The following MARCHF1 variants were observed in gnomAD, a reference collection of about 807,000 sequenced individuals.
MARCHF1 encodes the protein E3 ubiquitin-protein ligase MARCHF1.
MARCHF1 carries 40 observed loss-of-function variants against 54.2 expected under a neutral mutation model. The observed-to-expected ratio is 0.74, with a 90% CI of 0.57 to 0.96. MARCHF1 has a LOEUF of 0.96. MARCHF1 is among the 40% of genes least tolerant of loss of function. The probability of loss-of-function intolerance (pLI) is 0.00; values close to 1 mark genes in which losing one functional copy is unlikely to be tolerated. For synonymous variants in MARCHF1, 236 were observed against 236.3 expected (o/e 1.00, Z 0.01); for missense variants, 586 against 656.5 (o/e 0.89, Z 1.17).
intron 1 of MARCHF1, among the ~76,000 whole-genome samples, chr4:164,194,976 C>T: frequency 6.6e-6 from 1 of 151,806 alleles, no homozygotes. Flanking sequence ...ACCCCCACCC[C>T]CTGACAGGCC....
chr4:163,695,802 T>G (rs1420314354), intron 5 of MARCHF1, among the ~76,000 whole-genome samples: 1 of 152,152 alleles, frequency 6.6e-6, no homozygotes, highest in Non-Finnish European at 1.5e-5. Flanking sequence ...CTGTTGCTAG[T>G]TAAATGTAAT....
intron 3 of MARCHF1, among the ~76,000 whole-genome samples, chr4:163,984,238 GA>G (rs1312023173): frequency 1.3e-5 from 2 of 151,860 alleles, no homozygotes; most frequent in African/African-American, 2.4e-5. Flanking sequence ...ATTCTTTTTG[GA>G]AAAAAATGTA....
chr4:163,758,621 A>T (rs17044126), intron 4 of MARCHF1, among the ~76,000 whole-genome samples: 7,279 of 152,288 alleles, frequency 0.048, 432 homozygotes, highest in African/African-American at 0.14. Context: ...AATTGCAATT[A>T]CAATTCAGTC....
chr4:164,225,807 T>C (rs534235379), intron 1 of MARCHF1, among the ~76,000 whole-genome samples: 2 of 152,194 alleles, frequency 1.3e-5, no homozygotes, highest in South Asian at 4.1e-4. Flanking sequence ...CATCAAATTA[T>C]TCACTAAGTT....
At chr4:163,542,944 A>G (rs1738766984) in intron 9 of MARCHF1, among the ~76,000 whole-genome samples, 2 of 151,920 alleles carry the variant, frequency 1.3e-5, no homozygotes, top group Admixed American at 1.3e-4. Flanking sequence ...TGAGTGTTTG[A>G]GTGTGTGTGG....
intron 2 of MARCHF1, among the ~76,000 whole-genome samples, chr4:164,030,947 TG>T (rs762283758): frequency 2.6e-5 from 4 of 152,142 alleles, no homozygotes; most frequent in Non-Finnish European, 5.9e-5. Context: ...CTGAGACTGC[TG>T]AAGTTTCAGC....
intron 2 of MARCHF1, among the ~76,000 whole-genome samples, chr4:164,010,649 C>T (rs1244457813): frequency 6.6e-6 from 1 of 152,018 alleles, no homozygotes; most frequent in South Asian, 2.1e-4. Flanking sequence ...ATTTCATGCT[C>T]ATGATTTAGA....
At chr4:163,839,764 A>G (rs1301604450) in intron 4 of MARCHF1, among the ~76,000 whole-genome samples, 1 of 152,100 alleles carries the variant, frequency 6.6e-6, no homozygotes, top group African/African-American at 2.4e-5. Context: ...TTCTTTTGGG[A>G]TGCTGAAAAT....
intron 1 of MARCHF1, among the ~76,000 whole-genome samples, chr4:164,181,235 CTAAT>C (rs1329464843): frequency 6.6e-6 from 1 of 152,152 alleles, no homozygotes; most frequent in Non-Finnish European, 1.5e-5. Flanking sequence ...CCTCCTTTGA[CTAAT>C]TAACTCCCAC....
chr4:163,758,337 T>C (rs1746736643), intron 4 of MARCHF1, among the ~76,000 whole-genome samples: 1 of 152,164 alleles, frequency 6.6e-6, no homozygotes. Context: ...TCTTAGGTGC[T>C]TCAGGGGAAG....
chr4:163,994,733 GCACACATACACACACACA>G lies in MARCHF1; in HGVS notation c.-247-6042_-247-6025del, dbSNP rs1391207847. Among the ~76,000 whole-genome samples the G allele has an allele frequency of 2.5e-3, 238 of 94,404 alleles. 2 individuals carry two copies. The highest frequency in any genetic ancestry group is 9.4e-3 in the African/African-American group (233 of 24,864). 61.9% of individuals were successfully genotyped at this position (94,404 alleles called of 152,430 possible). ...TCCTGGACCTAACAGTCCTAATCAA[GCACACATACACACACACA>G]CACACACACACACACACACACACAC... On this transcript the variant is annotated intron_variant, in intron 2 of 9. Coordinates refer to ENST00000514618, the MANE Select transcript of MARCHF1 (RefSeq NM_001394959.1).
chr4:163,783,214 T>C (rs1388292561), intron 4 of MARCHF1, among the ~76,000 whole-genome samples: 2 of 152,244 alleles, frequency 1.3e-5, no homozygotes, highest in East Asian at 3.8e-4. Context: ...CTTTCACAGA[T>C]GATAAAATGA....
chr4:164,346,618 A>G (rs1359062437), intron 1 of MARCHF1, among the ~76,000 whole-genome samples: 46 of 2,548 alleles, frequency 0.018, 1 homozygote, highest in African/African-American at 0.045. Context: ...ATATATATAT[A>G]TATATATATA....
chr4:164,211,798 G>A (rs539802377), intron 1 of MARCHF1, among the ~76,000 whole-genome samples: 3 of 152,100 alleles, frequency 2.0e-5, no homozygotes, highest in South Asian at 2.1e-4. Context: ...GAGATGACAC[G>A]TTTAGACAAC....
chr4:163,783,566 G>C (rs1476948063), intron 4 of MARCHF1, among the ~76,000 whole-genome samples: 1 of 152,202 alleles, frequency 6.6e-6, no homozygotes, highest in Non-Finnish European at 1.5e-5. Flanking sequence ...GTAGCTGCAA[G>C]AGAGCCTGGG....
intron 8 of MARCHF1, among the ~76,000 whole-genome samples, chr4:163,556,188 T>G (rs1186062555): frequency 6.6e-6 from 1 of 152,198 alleles, no homozygotes; most frequent in Non-Finnish European, 1.5e-5. Context: ...AGCCAAGATT[T>G]CTGCTTTGAT....
At chr4:163,902,897 T>C (rs775072404) in intron 3 of MARCHF1, among the ~76,000 whole-genome samples, 3 of 152,188 alleles carry the variant, frequency 2.0e-5, no homozygotes, top group Admixed American at 6.5e-5. Context: ...TATAGCTCCA[T>C]AGACCATTGT....
chr4:164,266,274 T>C (rs1028229389), intron 1 of MARCHF1, among the ~76,000 whole-genome samples: 2 of 152,204 alleles, frequency 1.3e-5, no homozygotes, highest in African/African-American at 2.4e-5. Flanking sequence ...TTCAGATTCT[T>C]CTTTAGAAAA....
intron 3 of MARCHF1, among the ~76,000 whole-genome samples, chr4:163,925,119 G>A (rs187478771): frequency 2.0e-4 from 31 of 151,946 alleles, no homozygotes; most frequent in Non-Finnish European, 7.4e-5. Flanking sequence ...CTTGTTACAG[G>A]AAGTGAGGTT....
Sources: allele counts gnomAD v4.1 joint callset (sites outside exome capture counted in the v4.1 genomes callset), GRCh38; gene constraint gnomAD v4.1.1; transcripts MANE v1.5; gene names NCBI Gene and HGNC (gene_info 2026-07-23, HGNC 2026-07-21).